The following PRKACA variants were observed in gnomAD, a reference collection of about 807,000 sequenced individuals.
PRKACA encodes the protein protein kinase cAMP-activated catalytic subunit alpha.
PRKACA carries 9 observed loss-of-function variants against 45.8 expected under a neutral mutation model. That is an observed-to-expected ratio of 0.20 (90% confidence interval 0.12 to 0.34). The LOEUF (loss-of-function observed/expected upper bound fraction) is 0.34. Ranked by LOEUF, PRKACA falls within the 10% of genes least tolerant of loss-of-function variation. The pLI is 1.00. For synonymous variants in PRKACA, 160 were observed against 178.6 expected (o/e 0.90, Z 0.83); for missense variants, 238 against 458.6 (o/e 0.52, Z 4.39).
chr19:14,094,185 GAAAAAA>G lies in PRKACA; in HGVS notation c.766-399_766-394del, dbSNP rs940405502. Among the ~76,000 whole-genome samples, 356 of 58,934 alleles carry G rather than the reference GAAAAAA, an allele frequency of 6.0e-3. 2 individuals are homozygous for G. The highest frequency in any genetic ancestry group is 0.022 in the Middle Eastern group (1 of 46). The allele number at this position is 58,934 out of a possible 152,430, so 38.7% of individuals were successfully genotyped here. Reference sequence around the variant, plus strand: ...AGCAAGAATCTGCATTTCTTTTTTTGAAAAAAAAAAAAAAAAAAAAAAAAAAATAGC... The same window carrying G: ...AGCAAGAATCTGCATTTCTTTTTTTGAAAAAAAAAAAAAAAAAAAAATAGC... On this transcript the variant is annotated intron_variant, in intron 8 of 9. Coordinates refer to ENST00000308677, the MANE Select transcript of PRKACA (RefSeq NM_002730.4).
chr19:14,107,151 T>A (rs926080823), intron 2 of PRKACA, among the ~76,000 whole-genome samples, 197 bp downstream of exon 2: 1 of 27,536 alleles, frequency 3.6e-5, no homozygotes, highest in Non-Finnish European at 7.1e-5. Context: ...TTGGGAGGGG[T>A]GGTGGGATGG....
At chr19:14,109,995 T>TACACACACACAC (rs1259209997) in intron 1 of PRKACA, among the ~76,000 whole-genome samples, 1 of 79,626 alleles carries the variant, frequency 1.3e-5, no homozygotes, top group African/African-American at 7.0e-5. Context: ...TATATATATA[T>TACACACACACAC]ATATACACAC....
At chr19:14,110,895 C>G (rs1437191957) in intron 1 of PRKACA, among the ~76,000 whole-genome samples, 1 of 152,218 alleles carries the variant, frequency 6.6e-6, no homozygotes, top group Non-Finnish European at 1.5e-5. Context: ...TCCAGTGCAC[C>G]AGGGTGGCCA....
At chr19:14,116,169 A>C (rs988049412) in intron 1 of PRKACA, among the ~76,000 whole-genome samples, 3 of 152,144 alleles carry the variant, frequency 2.0e-5, no homozygotes, top group Admixed American at 6.5e-5. Context: ...AGTTCCGACT[A>C]TTTCTGGGTA....
chr19:14,114,239 C>A, intron 1 of PRKACA: 1 of 1,555,624 alleles, frequency 6.4e-7, no homozygotes, highest in Non-Finnish European at 8.7e-7. Context: ...GCTGTCTGTC[C>A]CCAGAACCCT....
chr19:14,106,671 T>C, intron 3 of PRKACA, 89 bp downstream of exon 3: 2 of 1,542,968 alleles, frequency 1.3e-6, no homozygotes, highest in Non-Finnish European at 1.8e-6. Context: ...AGCAAGTGAG[T>C]GAACGGGTGG....
intron 1 of PRKACA, among the ~76,000 whole-genome samples, chr19:14,110,032 G>A (rs1252657373): frequency 7.4e-6 from 1 of 135,574 alleles, no homozygotes; most frequent in African/African-American, 2.8e-5. Flanking sequence ...AGGGAGAGCC[G>A]GGAACGGTGG....
rs1216590580 is a variant in PRKACA at position 14,092,297 on chromosome 19, A to T, written c.*815T>A. ...GGGCAGCTGCTTTGTCTGGCTTTCA[A>T]AGCCCAAGGGTGAAGACAGGTCTGT... On this transcript the variant is annotated 3_prime_UTR_variant, in exon 10 of 10. Transcript: ENST00000308677. 3 of 230,116 alleles carry T rather than the reference A, an allele frequency of 1.3e-5. No homozygotes were observed. Among genetic ancestry groups the T allele is most frequent in the East Asian group, 8.2e-5 (1 of 12,226 alleles). 14.3% of individuals were successfully genotyped at this position (230,116 alleles called of 1,614,324 possible).
At chr19:14,112,726 G>T in intron 1 of PRKACA, 1 of 152,744 alleles carries the variant, frequency 6.5e-6, no homozygotes, top group Non-Finnish European at 1.5e-5. Flanking sequence ...AGGGCGGGGC[G>T]ATAAAACTAA....
chr19:14,109,589 G>C (rs1373791405), intron 1 of PRKACA, among the ~76,000 whole-genome samples: 1 of 151,242 alleles, frequency 6.6e-6, no homozygotes, highest in African/African-American at 2.4e-5. Context: ...CTGCACTCCA[G>C]CCTGGGTGAC....
At chr19:14,109,009 T>C (rs939908824) in intron 1 of PRKACA, among the ~76,000 whole-genome samples, 1 of 148,978 alleles carries the variant, frequency 6.7e-6, no homozygotes, top group African/African-American at 2.5e-5. Flanking sequence ...ATTACAGGCA[T>C]GAGCCACCGT....
intron 1 of PRKACA, among the ~76,000 whole-genome samples, chr19:14,113,180 C>G (rs1225075246): frequency 6.6e-6 from 1 of 151,666 alleles, no homozygotes; most frequent in African/African-American, 2.4e-5. Context: ...CATGAAAGTC[C>G]AAACCGGAAA....
rs187865146 is a variant in PRKACA at position 14,107,562 on chromosome 19, G to A, written c.47-153C>T. ...GTGCCTCTGGGGCCTTGGCTGGGCC[G>A]TGGCCTGGGCCTCCCTTGCTACAGA... is the stretch of plus-strand genomic sequence containing the variant. On this transcript the variant is annotated intron_variant, in intron 1 of 9. Transcript: ENST00000308677. 6.7e-4 allele frequency: 867 copies of A among 1,298,074 alleles called. 5 individuals are homozygous for A. In the African/African-American group the frequency reaches 0.011, roughly 16 times the overall value. 80.4% of individuals were successfully genotyped at this position (1,298,074 alleles called of 1,614,324 possible). A position where few individuals can be genotyped will look rare whatever the true frequency, so the allele number is the denominator to read the frequency against.
chr19:14,107,633 G>T lies in PRKACA; in HGVS notation c.47-224C>A, dbSNP rs888706655. On this transcript the variant is annotated intron_variant, in intron 1 of 9. Coordinates refer to ENST00000308677, the MANE Select transcript of PRKACA (RefSeq NM_002730.4). ...CTCCATCCAAAGTGGGGTACAGAGA[G>T]TCTCAGGGGTCACTCGCAGGGGAAC... 82 of 1,337,902 alleles carry T rather than the reference G, an allele frequency of 6.1e-5. No homozygotes were observed. The South Asian group carries it at 1.2e-3, about 19-fold the overall frequency. The allele number at this position is 1,337,902 out of a possible 1,614,324, so 82.9% of individuals were successfully genotyped here.
intron 3 of PRKACA, among the ~76,000 whole-genome samples, chr19:14,103,817 G>C (rs1977516656): frequency 6.6e-6 from 1 of 152,192 alleles, no homozygotes; most frequent in African/African-American, 2.4e-5. Flanking sequence ...CGTAATCCCA[G>C]CACTTTGGGA....
intron 1 of PRKACA, among the ~76,000 whole-genome samples, chr19:14,111,719 C>A (rs1471820771): frequency 1.3e-5 from 2 of 152,198 alleles, no homozygotes; most frequent in Non-Finnish European, 2.9e-5. Flanking sequence ...GGATTACGGG[C>A]ATGAGCCACT....
At chr19:14,100,739 C>A in intron 5 of PRKACA, 87 bp downstream of exon 5, 1 of 1,323,736 alleles carries the variant, frequency 7.6e-7, no homozygotes, top group Non-Finnish European at 1.1e-6. Flanking sequence ...GTATGCTGGA[C>A]TCCTCTGCAT....
chr19:14,115,147 C>T, intron 1 of PRKACA: 3 of 980,016 alleles, frequency 3.1e-6, no homozygotes, highest in Non-Finnish European at 3.6e-6. Context: ...CGTTTCTCAA[C>T]GTGTGACATA....
chr19:14,103,003 C>A, intron 3 of PRKACA, 89 bp from the exon 4 acceptor site: 1 of 1,063,592 alleles, frequency 9.4e-7, no homozygotes, highest in Non-Finnish European at 1.5e-6. Flanking sequence ...GATGCCGGAG[C>A]CAGGCCGGTT....
Sources: allele counts gnomAD v4.1 joint callset (sites outside exome capture counted in the v4.1 genomes callset), GRCh38; gene constraint gnomAD v4.1.1; transcripts MANE v1.5; gene names NCBI Gene and HGNC (gene_info 2026-07-23, HGNC 2026-07-21).